SLC24A1: variants seen among roughly 807,000 people sequenced by gnomAD.
The protein encoded by SLC24A1 is solute carrier family 24 member 1, also known as sodium/potassium/calcium exchanger 1.
SLC24A1 carries 52 observed loss-of-function variants against 88.1 expected under a neutral mutation model. That is an observed-to-expected ratio of 0.59 (90% CI 0.47 to 0.74). The LOEUF is 0.74. Ranked by LOEUF, SLC24A1 falls within the 30% of genes least tolerant of loss-of-function variation. The pLI is 0.00. For synonymous variants in SLC24A1, 455 were observed against 498.0 expected (o/e 0.91, Z 1.15); for missense variants, 1,173 against 1,363.3 (o/e 0.86, Z 2.20).
At chr15:65,612,228 A>T (rs1242482308) in intron 1 of SLC24A1, 1 of 152,340 alleles carries the variant, frequency 6.6e-6, no homozygotes, top group Non-Finnish European at 1.5e-5. Flanking sequence ...GCTTAGATGG[A>T]TGCCAGCAGG....
Position 65,655,756 on chromosome 15 carries a change from T to A in SLC24A1, c.*1677T>A. On this transcript the variant is annotated 3_prime_UTR_variant, in exon 10 of 10. Transcript: ENST00000261892. ...TGGCTAAGGTGTTCCAAGTATTCCATCTTTTAAGATGAATTGCTTAATTAA... is the reference window on the plus strand; with the variant it reads ...TGGCTAAGGTGTTCCAAGTATTCCAACTTTTAAGATGAATTGCTTAATTAA... 1.0e-6 allele frequency: 1 copy of A among 985,368 alleles called. No homozygotes were observed. Among genetic ancestry groups the A allele is most frequent in the Non-Finnish European group, 1.2e-6 (1 of 829,862 alleles). The allele number at this position is 985,368 out of a possible 1,614,324, so 61.0% of individuals were successfully genotyped here. A position where few individuals can be genotyped will look rare whatever the true frequency, so the allele number is the denominator to read the frequency against.
At chr15:65,649,027 T>C (rs959312113) in intron 6 of SLC24A1, among the ~76,000 whole-genome samples, 16 of 152,122 alleles carry the variant, frequency 1.1e-4, no homozygotes, top group African/African-American at 3.9e-4. Context: ...CAGCTGTGAG[T>C]ATGTTAAAAT....
chr15:65,660,416 T>C (rs2075816074), downstream of SLC24A1: 2 of 927,334 alleles, frequency 2.2e-6, no homozygotes. Context: ...TGGACTCTAC[T>C]GGCTTTATAC....
At chr15:65,617,376 C>T (rs2074180829), upstream of SLC24A1, among the ~76,000 whole-genome samples, 1 of 152,142 alleles carries the variant, frequency 6.6e-6, no homozygotes, top group Non-Finnish European at 1.5e-5. Flanking sequence ...AATATTTTTC[C>T]ATTTGTTTGT....
At chr15:65,637,220 G>C (rs2074970867) in intron 2 of SLC24A1, among the ~76,000 whole-genome samples, 1 of 152,096 alleles carries the variant, frequency 6.6e-6, no homozygotes, top group African/African-American at 2.4e-5. Flanking sequence ...ATTGTCTAGG[G>C]CTGTCCCACT....
At chr15:65,631,752 A>C (rs2074733010) in intron 2 of SLC24A1, among the ~76,000 whole-genome samples, 1 of 152,174 alleles carries the variant, frequency 6.6e-6, no homozygotes, top group Non-Finnish European at 1.5e-5. Flanking sequence ...TTTCGCTTTT[A>C]ATGGCAAAAA....
chr15:65,652,503 C>A, intron 8 of SLC24A1, 139 bp from the exon 9 acceptor site: 1 of 694,174 alleles, frequency 1.4e-6, no homozygotes, highest in Admixed American at 2.6e-5. Context: ...GTCGGTCCCC[C>A]TATCACCCTT....
chr15:65,654,786 A>T lies in SLC24A1; in HGVS notation c.*707A>T. The T allele has an allele frequency of 1.9e-6, 2 of 1,049,416 alleles. No homozygotes were observed. The highest frequency in any genetic ancestry group is 2.6e-6 in the Non-Finnish European group (2 of 783,776). The allele number at this position is 1,049,416 out of a possible 1,614,324, so 65.0% of individuals were successfully genotyped here. A position where few individuals can be genotyped will look rare whatever the true frequency, so the allele number is the denominator to read the frequency against. On this transcript the variant is annotated 3_prime_UTR_variant, in exon 10 of 10. Transcript: ENST00000261892. ...AATGGCGTGATCTCGGCACACCACA[A>T]CCTTCACCTCCCCGGTTCAAGCAAT...
chr15:65,622,656 T>G (rs1004428188), intron 1 of SLC24A1, among the ~76,000 whole-genome samples: 2 of 152,218 alleles, frequency 1.3e-5, no homozygotes, highest in African/African-American at 4.8e-5. Context: ...AATGCCCTTC[T>G]TTATAAAATG....
At position 65,625,936 on chromosome 15, in the gene SLC24A1, T is replaced by A. The variant is rs1362796263; in HGVS notation, c.1856T>A (p.Val619Glu). ...WVKEQLSRRP[V>E]AKVMALEDLS... The stretch of plus-strand genomic sequence containing the variant: ...AAGGAGCAGCTCAGCAGGAGGCCAG[T>A]GGCCAAGGTCATGGCCTTAGAAGAC... Residue 619 changes from valine (V) to glutamate (E), a missense_variant, in exon 2 of 10, where the codon GTG becomes GAG. Physicochemically the swap from Val to Glu is moderately radical, Grantham distance 121. Coordinates refer to ENST00000261892, the MANE Select transcript of SLC24A1 (RefSeq NM_004727.3). 1 of 1,613,902 alleles carries A rather than the reference T, an allele frequency of 6.2e-7. No individual in the cohort carries two copies. Among genetic ancestry groups the A allele is most frequent in the Non-Finnish European group, 8.5e-7 (1 of 1,179,798 alleles).
At chr15:65,616,533 A>G (rs565869739) in intron 2 of SLC24A1, among the ~76,000 whole-genome samples, 90 of 152,306 alleles carry the variant, frequency 5.9e-4, no homozygotes, top group African/African-American at 2.0e-3. Context: ...TCTTCTTTTG[A>G]GAAGTGTCTA....
intron 4 of SLC24A1, among the ~76,000 whole-genome samples, chr15:65,643,686 C>G (rs2075209429): frequency 6.6e-6 from 1 of 152,218 alleles, no homozygotes; most frequent in African/African-American, 2.4e-5. Context: ...TCCCGTGTTT[C>G]TCACCTGGAA....
chr15:65,644,457 G>T lies in SLC24A1; in HGVS notation c.2084G>T (p.Ser695Ile). Residue 695 changes from serine (S) to isoleucine (I), a missense_variant, in exon 5 of 10, where the codon AGC becomes ATC. Physicochemically the swap from Ser to Ile is moderately radical, Grantham distance 142 (BLOSUM62 -2). Transcript: ENST00000261892. ...CTTGCCAAGGAGAAGGAGGAGGAGA[G>T]CTTGAATCAAGGGGCCAGAGCCCAA... Reference protein sequence around the residue: ...VRLAKEKEEESLNQGARAQPQ... With the variant: ...VRLAKEKEEEILNQGARAQPQ... 1 of 1,596,970 alleles carries T rather than the reference G, an allele frequency of 6.3e-7. No individual in the cohort carries two copies.
At chr15:65,647,527 T>TTCAACCCAGCTCCTTGG (rs529811671) in intron 6 of SLC24A1, among the ~76,000 whole-genome samples, 137 of 147,712 alleles carry the variant, frequency 9.3e-4, no homozygotes, top group South Asian at 5.4e-3. Context: ...AAAGAATCGG[T>TTCAACCCAGCTCCTTGG]TCAACCCAGC....
Position 65,640,159 on chromosome 15 carries a change from T to A in SLC24A1, c.2053+456T>A, listed in dbSNP as rs555724539. On this transcript the variant is annotated intron_variant, in intron 4 of 9. Coordinates refer to ENST00000261892, the MANE Select transcript of SLC24A1 (RefSeq NM_004727.3). ...GCTTCTGGGGACGCCTCTTGTAGGG[T>A]CCCAAAGCCCAGAAGTTCTTAGTGG... is the stretch of plus-strand genomic sequence containing the variant. Among the ~76,000 whole-genome samples the A allele has an allele frequency of 2.0e-5, 3 of 152,080 alleles. No homozygotes were observed. The East Asian group carries it at 5.8e-4, about 29-fold the overall frequency.
At chr15:65,626,263 C>A (rs1389036783) in intron 2 of SLC24A1, among the ~76,000 whole-genome samples, 2 of 152,164 alleles carry the variant, frequency 1.3e-5, no homozygotes, top group African/African-American at 4.8e-5. Context: ...TGTTCAAGGT[C>A]ACACAGCAAA....
At chr15:65,638,286 C>A (rs905606865) in intron 3 of SLC24A1, 105 bp downstream of exon 3, 4 of 841,918 alleles carry the variant, frequency 4.8e-6, no homozygotes, top group African/African-American at 3.4e-5. Flanking sequence ...TGGCTGTGCT[C>A]AGGCCTAGGA....
rs755952210 is a variant in SLC24A1, at chr15:65,650,990, G to T, written c.2793+48G>T. On this transcript the variant is annotated intron_variant, in intron 7 of 9. Transcript: ENST00000261892. This position sits in a 1 kb window ranked among gnomAD's most constrained non-coding sequence, Gnocchi z 4.1. The stretch of plus-strand genomic sequence containing the variant: ...CAGACTCTTTATCCCCAGCAGGGCT[G>T]TGGGGTCTCTCGGCATGCGGGGCTC... 1.3e-6 allele frequency: 2 copies of T among 1,537,836 alleles called. No individual in the cohort carries two copies. Among genetic ancestry groups the T allele is most frequent in the South Asian group, 2.2e-5 (2 of 89,432 alleles).
downstream of SLC24A1, chr15:65,658,015 A>G (rs1241454930): frequency 6.6e-6 from 1 of 152,250 alleles, no homozygotes; most frequent in Non-Finnish European, 1.5e-5. Flanking sequence ...TTTAAATAGT[A>G]AAGGAGGGAG....
Sources: allele counts gnomAD v4.1 joint callset (sites outside exome capture counted in the v4.1 genomes callset), GRCh38; gene constraint gnomAD v4.1.1; non-coding constraint Gnocchi (gnomAD v3.1); transcripts MANE v1.5; gene names NCBI Gene and HGNC (gene_info 2026-07-23, HGNC 2026-07-21).